The following PPP2R1B variants were observed in gnomAD, a reference collection of about 807,000 sequenced individuals.
PPP2R1B encodes the protein protein phosphatase 2 scaffold subunit Abeta.
A neutral mutation model predicts 72.7 loss-of-function variants in PPP2R1B; 58 were observed. The observed-to-expected ratio is 0.80, with a 90% confidence interval of 0.65 to 0.99. PPP2R1B has a LOEUF of 0.99. PPP2R1B is among the 50% of genes least tolerant of loss of function. PPP2R1B has a pLI of 0.00. For synonymous variants in PPP2R1B, 256 were observed against 264.6 expected (o/e 0.97, Z 0.32); for missense variants, 695 against 733.6 (o/e 0.95, Z 0.61).
chr11:111,744,984 A>C (rs1452042632), intron 11 of PPP2R1B, among the ~76,000 whole-genome samples: 1 of 151,834 alleles, frequency 6.6e-6, no homozygotes, highest in Non-Finnish European at 1.5e-5. Flanking sequence ...TCTTTGGCCC[A>C]AACCCTTCCC....
rs142250757 is a variant in PPP2R1B, at chr11:111,763,866, C to A, written c.306+939G>T. ...AAAAAAACTCTCTCTCTCTCTCTCT[C>A]TCTATATATATATATTCATACTTAT... On this transcript the variant is annotated intron_variant, in intron 3 of 14. Transcript: ENST00000527614. 3.9e-3 allele frequency among the ~76,000 whole-genome samples: 596 copies of A among 150,990 alleles called. 4 individuals are homozygous for A. Among genetic ancestry groups the A allele is most frequent in the African/African-American group, 0.013 (518 of 40,810 alleles).
chr11:111,734,309 G>A (rs1944279686), downstream of PPP2R1B, among the ~76,000 whole-genome samples: 1 of 152,226 alleles, frequency 6.6e-6, no homozygotes, highest in African/African-American at 2.4e-5. Flanking sequence ...GCTAAGAACT[G>A]GGAACTCTGC....
At chr11:111,702,890 G>A in the PPP2R1B span, among the ~76,000 whole-genome samples, 1 of 147,012 alleles carries the variant, frequency 6.8e-6, no homozygotes, top group African/African-American at 2.5e-5. Flanking sequence ...TTCTAGGAAT[G>A]AGGCTTATTT....
the PPP2R1B span, among the ~76,000 whole-genome samples, chr11:111,710,185 A>T: frequency 6.6e-6 from 1 of 152,236 alleles, no homozygotes; most frequent in African/African-American, 2.4e-5. Context: ...CTAGATAAAA[A>T]TTTTACATAG....
At chr11:111,723,482 T>C, downstream of PPP2R1B, 1 of 1,578,656 alleles carries the variant, frequency 6.3e-7, no homozygotes. Flanking sequence ...TTTCCTTTGA[T>C]ATTACCAATT....
Position 111,740,881 on chromosome 11 carries a change from T to A in PPP2R1B, c.*715A>T. ...AAGCTTTTTAGAAAAGAGAGAGAAG[T>A]ATTTTTAAATGTAGGCACAGTGGTG... On this transcript the variant is annotated 3_prime_UTR_variant, in exon 15 of 15. Coordinates refer to ENST00000527614, the MANE Select transcript of PPP2R1B (RefSeq NM_002716.5). 1.0e-6 allele frequency: 1 copy of A among 985,444 alleles called. No individual in the cohort carries two copies. The allele number at this position is 985,444 out of a possible 1,614,324, so 61.0% of individuals were successfully genotyped here. A position where few individuals can be genotyped will look rare whatever the true frequency, so the allele number is the denominator to read the frequency against.
chr11:111,735,262 T>C (rs1944306115), downstream of PPP2R1B: 1 of 152,232 alleles, frequency 6.6e-6, no homozygotes, highest in Non-Finnish European at 1.5e-5. Flanking sequence ...GATGCTTCAC[T>C]TGATTTTAGT....
At chr11:111,756,256 C>T (rs1289712369) in intron 5 of PPP2R1B, among the ~76,000 whole-genome samples, 1 of 150,618 alleles carries the variant, frequency 6.6e-6, no homozygotes, top group African/African-American at 2.4e-5. Flanking sequence ...GCTCCCTTTG[C>T]CTGGAATGGC....
the PPP2R1B span, among the ~76,000 whole-genome samples, chr11:111,707,443 C>T: frequency 6.6e-6 from 1 of 152,160 alleles, no homozygotes; most frequent in African/African-American, 2.4e-5. Context: ...TTACCAAGCA[C>T]TCTGTGTCCT....
At chr11:111,704,234 G>C in the PPP2R1B span, among the ~76,000 whole-genome samples, 4 of 152,172 alleles carry the variant, frequency 2.6e-5, no homozygotes, top group Admixed American at 6.5e-5. Context: ...GTAGCTGGGC[G>C]TGTGATTCCA....
chr11:111,707,067 G>A, the PPP2R1B span, among the ~76,000 whole-genome samples: 3 of 151,806 alleles, frequency 2.0e-5, no homozygotes, highest in Non-Finnish European at 2.9e-5. Context: ...GGAAATCTTC[G>A]AAGTTGAATG....
Position 111,741,241 on chromosome 11 carries a change from T to C in PPP2R1B, c.*355A>G. The C allele has an allele frequency of 9.4e-7, 1 of 1,065,628 alleles. No homozygotes were observed. Among genetic ancestry groups the C allele is most frequent in the Non-Finnish European group, 1.1e-6 (1 of 880,942 alleles). 66.0% of individuals were successfully genotyped at this position (1,065,628 alleles called of 1,614,324 possible). Reference sequence around the variant, plus strand: ...GTCAAGAGAATCACTCCACTCCACGTCTGGGTCCACACCCTTCCAGGCTTT... The same window carrying C: ...GTCAAGAGAATCACTCCACTCCACGCCTGGGTCCACACCCTTCCAGGCTTT... On this transcript the variant is annotated 3_prime_UTR_variant, in exon 15 of 15. Transcript: ENST00000527614.
chr11:111,735,510 C>G (rs1195018035), downstream of PPP2R1B, among the ~76,000 whole-genome samples: 1 of 152,212 alleles, frequency 6.6e-6, no homozygotes, highest in African/African-American at 2.4e-5. Flanking sequence ...GGACCCGCGG[C>G]AGCAAGGTGT....
At position 111,752,194 on chromosome 11, in the gene PPP2R1B, T is replaced by C. The variant is rs781986857; in HGVS notation, c.1303A>G (p.Ile435Val). 5.0e-6 allele frequency: 8 copies of C among 1,613,814 alleles called. No homozygotes were observed. The highest frequency in any genetic ancestry group is 6.8e-6 in the Non-Finnish European group (8 of 1,179,870). Residue 435 changes from isoleucine (I) to valine (V), a missense_variant, in exon 10 of 15, where the codon ATC becomes GTC. By Grantham distance (29) the Ile-to-Val change is conservative. Transcript: ENST00000527614. ...EDAKWRVRLA[I>V]IEYMPLLAGQ... ...GCCAGCAGCGGCATATACTCAATGA[T>C]GGCCAGGCGGACCCTCCATTTGGCA...
the PPP2R1B span, among the ~76,000 whole-genome samples, chr11:111,704,611 G>C: frequency 1.3e-5 from 2 of 152,186 alleles, no homozygotes; most frequent in Non-Finnish European, 2.9e-5. Context: ...TGGAATTAGA[G>C]CCTCGGGCTC....
At chr11:111,732,989 C>T (rs982389363), downstream of PPP2R1B, among the ~76,000 whole-genome samples, 2 of 152,204 alleles carry the variant, frequency 1.3e-5, no homozygotes, top group Admixed American at 6.5e-5. Flanking sequence ...TCCTGGACAA[C>T]GTCCCTTAGG....
chr11:111,766,204 C>G (rs782670503), intron 1 of PPP2R1B, 44 bp downstream of exon 1: 7 of 1,599,022 alleles, frequency 4.4e-6, no homozygotes, highest in African/African-American at 2.7e-5. Flanking sequence ...CTCTACCACG[C>G]GACCAGCCGG....
intron 10 of PPP2R1B, among the ~76,000 whole-genome samples, chr11:111,751,174 C>T (rs1214716238): frequency 1.3e-5 from 2 of 152,040 alleles, no homozygotes; most frequent in African/African-American, 4.8e-5. Context: ...GATTCCTCAA[C>T]TCCCTTTAAT....
chr11:111,701,879 A>G, the PPP2R1B span, among the ~76,000 whole-genome samples: 1 of 152,214 alleles, frequency 6.6e-6, no homozygotes, highest in Non-Finnish European at 1.5e-5. This position sits in a 1 kb window ranked among gnomAD's most constrained non-coding sequence, Gnocchi z 4.2. Context: ...ATACAGATTC[A>G]CAACCATTTT....
Sources: allele counts gnomAD v4.1 joint callset (sites outside exome capture counted in the v4.1 genomes callset), GRCh38; gene constraint gnomAD v4.1.1; non-coding constraint Gnocchi (gnomAD v3.1); transcripts MANE v1.5; gene names NCBI Gene and HGNC (gene_info 2026-07-23, HGNC 2026-07-21).